Variants in THSD4 observed in about 807,000 individuals in gnomAD.
The protein encoded by THSD4 is thrombospondin type 1 domain containing 4, also known as thrombospondin type-1 domain-containing protein 4.
In THSD4, 69 loss-of-function variants were observed where a neutral mutation model predicts 119.0. The ratio of observed to expected loss-of-function variants is 0.58; its 90% CI spans 0.48 to 0.71. The LOEUF is 0.71. Ranked by LOEUF, THSD4 falls within the 30% of genes least tolerant of loss-of-function variation. THSD4 has a pLI of 0.00. For synonymous variants in THSD4, 524 were observed against 540.4 expected, an observed-to-expected ratio of 0.97 and a Z score of 0.42; for missense variants, 1,393 against 1,391.1, an observed-to-expected ratio of 1.00 and a Z score of -0.02.
chr15:71,157,175 C>T (rs1465455207), intron 3 of THSD4, among the ~76,000 whole-genome samples: 2 of 152,080 alleles, frequency 1.3e-5, no homozygotes, highest in African/African-American at 2.4e-5. Flanking sequence ...TTGCTGTCTC[C>T]TGTAATTTTT....
chr15:71,303,523 T>G (rs1174439954), intron 6 of THSD4, among the ~76,000 whole-genome samples: 2 of 152,248 alleles, frequency 1.3e-5, no homozygotes, highest in East Asian at 1.9e-4. Context: ...TGCTTGTTTC[T>G]TTTTGTTTTT....
At chr15:71,657,998 C>A (rs1024734835) in intron 7 of THSD4, among the ~76,000 whole-genome samples, 1 of 152,098 alleles carries the variant, frequency 6.6e-6, no homozygotes, top group Non-Finnish European at 1.5e-5. Flanking sequence ...ATTAATGTGA[C>A]GTCTGTCCCA....
chr15:71,620,500 G>A (rs2050401689), intron 7 of THSD4, among the ~76,000 whole-genome samples: 1 of 152,052 alleles, frequency 6.6e-6, no homozygotes, highest in Non-Finnish European at 1.5e-5. Flanking sequence ...AGCTACTCAG[G>A]AGACTGAGAC....
rs546105156 is a variant in THSD4, at chr15:71,577,565, G to A, written c.1153-82965G>A. Among the ~76,000 whole-genome samples the A allele has an allele frequency of 2.6e-5, 4 of 152,220 alleles. 1 individual carries two copies. The highest frequency in any genetic ancestry group is 9.6e-5 in the African/African-American group (4 of 41,546). On this transcript the variant is annotated intron_variant, in intron 7 of 17. Coordinates refer to ENST00000261862, the MANE Select transcript of THSD4 (RefSeq NM_024817.3). ...GAGATGGAGAAATGCTTTCGAAACT[G>A]TGAAGTACATACTATGAAATTATGT...
chr15:71,770,774 G>T (rs1457980650), intron 16 of THSD4, among the ~76,000 whole-genome samples: 2 of 152,212 alleles, frequency 1.3e-5, no homozygotes, highest in Non-Finnish European at 2.9e-5. Flanking sequence ...TGTGGTAATT[G>T]TTAAGAGTTC....
chr15:71,377,878 A>ACC (rs1272597326), intron 6 of THSD4, among the ~76,000 whole-genome samples: 2 of 75,360 alleles, frequency 2.7e-5, no homozygotes, highest in Non-Finnish European at 5.3e-5. Context: ...ACACACACAC[A>ACC]CACACACACA....
chr15:71,695,949 A>G (rs1265249118), intron 8 of THSD4, among the ~76,000 whole-genome samples: 2 of 152,228 alleles, frequency 1.3e-5, no homozygotes, highest in East Asian at 3.8e-4. Context: ...TAAAATGTAA[A>G]TAGCAGAGGT....
At chr15:71,245,773 A>G (rs1357957153) in intron 5 of THSD4, among the ~76,000 whole-genome samples, 2 of 152,234 alleles carry the variant, frequency 1.3e-5, no homozygotes, top group African/African-American at 4.8e-5. Context: ...GGTGTTTAGC[A>G]TAAGCTATTT....
chr15:71,111,638 G>A (rs2040305821), upstream of THSD4: 1 of 578,680 alleles, frequency 1.7e-6, no homozygotes, highest in South Asian at 2.2e-5. Flanking sequence ...CCAGGAAAAT[G>A]AAAGGAACAA....
intron 2 of THSD4, among the ~76,000 whole-genome samples, chr15:71,145,437 C>G (rs753600937): frequency 1.1e-4 from 16 of 152,078 alleles, no homozygotes; most frequent in African/African-American, 3.9e-4. Flanking sequence ...GTTGATGGCC[C>G]TAGGTCAAGT....
At chr15:71,219,250 C>T (rs1330671704) in intron 4 of THSD4, among the ~76,000 whole-genome samples, 3 of 152,158 alleles carry the variant, frequency 2.0e-5, no homozygotes, top group East Asian at 1.9e-4. Flanking sequence ...TCCAAACCAG[C>T]ATCGGAATCT....
At chr15:71,498,991 C>A (rs1000513063) in intron 7 of THSD4, among the ~76,000 whole-genome samples, 2 of 151,946 alleles carry the variant, frequency 1.3e-5, no homozygotes, top group Non-Finnish European at 2.9e-5. Context: ...AGGTGTGAGC[C>A]GCCACACCCG....
At chr15:71,586,436 G>C (rs1481168943) in intron 7 of THSD4, among the ~76,000 whole-genome samples, 2 of 152,102 alleles carry the variant, frequency 1.3e-5, no homozygotes, top group South Asian at 4.2e-4. Context: ...TAAGCTCACT[G>C]GTTGTTGCCA....
chr15:71,727,454 G>A lies in THSD4; in HGVS notation c.1358-1095G>A, dbSNP rs542839264. Among the ~76,000 whole-genome samples, 247 of 150,374 alleles carry A rather than the reference G, an allele frequency of 1.6e-3. 1 individual carries two copies. Among genetic ancestry groups the A allele is most frequent in the African/African-American group, 5.0e-3 (202 of 40,614 alleles). On this transcript the variant is annotated intron_variant, in intron 8 of 17. Coordinates refer to ENST00000261862, the MANE Select transcript of THSD4 (RefSeq NM_024817.3). ...CTAACACCTGTAATCCCAGCACTTTGGGAGGCTGAGGCAGGCAGATCGCTT... is the reference window on the plus strand; with the variant it reads ...CTAACACCTGTAATCCCAGCACTTTAGGAGGCTGAGGCAGGCAGATCGCTT...
chr15:71,131,913 A>G (rs539727016), intron 1 of THSD4, among the ~76,000 whole-genome samples: 77 of 152,332 alleles, frequency 5.1e-4, no homozygotes, highest in Non-Finnish European at 9.1e-4. Flanking sequence ...CTCGATGGAA[A>G]AAGGGTCCCC....
intron 6 of THSD4, among the ~76,000 whole-genome samples, chr15:71,401,743 C>T (rs1051819139): frequency 9.8e-5 from 15 of 152,292 alleles, no homozygotes; most frequent in African/African-American, 3.6e-4. Flanking sequence ...CCAGCGATCC[C>T]ATTACTGGGT....
chr15:71,573,434 G>C (rs1364904618), intron 7 of THSD4, among the ~76,000 whole-genome samples: 2 of 152,168 alleles, frequency 1.3e-5, no homozygotes, highest in Non-Finnish European at 2.9e-5. Flanking sequence ...AAAACTAGAA[G>C]GTAGCTTTGA....
At chr15:71,230,094 G>A (rs1042285690) in intron 4 of THSD4, among the ~76,000 whole-genome samples, 1 of 152,138 alleles carries the variant, frequency 6.6e-6, no homozygotes, top group African/African-American at 2.4e-5. Flanking sequence ...CCTGCCGGGG[G>A]TCAGCCTCTA....
chr15:71,193,284 G>T (rs2043688790), intron 3 of THSD4, among the ~76,000 whole-genome samples: 1 of 152,178 alleles, frequency 6.6e-6, no homozygotes, highest in Admixed American at 6.5e-5. Context: ...GCACAGCTTG[G>T]TGATTGGGGT....
Sources: gnomAD v4.1 joint callset for allele counts (sites outside exome capture counted in the v4.1 genomes callset) on GRCh38, gnomAD v4.1.1 for gene constraint, MANE v1.5 for transcripts, NCBI Gene and HGNC (gene_info 2026-07-23, HGNC 2026-07-21) for gene names.